ALKBH8: variants seen among roughly 807,000 people sequenced by gnomAD.
ALKBH8 encodes the protein alkB homolog 8, tRNA methyltransferase.
Under a neutral mutation model 59.8 loss-of-function variants are expected in ALKBH8, and 36 were observed. The observed-to-expected ratio is 0.60, with a 90% CI of 0.46 to 0.79. The LOEUF is 0.79. Ranked by LOEUF, ALKBH8 falls within the 30% of genes least tolerant of loss-of-function variation. The pLI is 0.00. For missense variants in ALKBH8, 768 were observed against 801.0 expected (o/e 0.96, Z 0.50); for synonymous variants, 276 against 273.6 (o/e 1.01, Z -0.09).
intron 1 of ALKBH8, 26 bp from the exon 2 acceptor site, chr11:107,560,925 A>G: frequency 1.3e-6 from 2 of 1,592,188 alleles, no homozygotes; most frequent in Non-Finnish European, 8.6e-7. Flanking sequence ...ACAGTAAAAA[A>G]GTCAACCTTA....
intron 7 of ALKBH8, among the ~76,000 whole-genome samples, chr11:107,539,593 C>T (rs571958278): frequency 1.7e-5 from 2 of 114,896 alleles, no homozygotes; most frequent in African/African-American, 5.6e-5. Context: ...AGCGAGAATC[C>T]ACCAAAAAAA....
At chr11:107,515,174 T>A (rs943122949) in intron 10 of ALKBH8, among the ~76,000 whole-genome samples, 1 of 152,214 alleles carries the variant, frequency 6.6e-6, no homozygotes, top group African/African-American at 2.4e-5. Context: ...TTTCCATTTT[T>A]AAATTTTTTA....
rs370280007 is a variant in ALKBH8 at position 107,538,070 on chromosome 11, C to T, written c.772-5664G>A. Among the ~76,000 whole-genome samples the T allele has an allele frequency of 6.6e-5, 10 of 151,916 alleles. No homozygotes were observed. The East Asian group carries it at 1.9e-3, about 29-fold the overall frequency. ...GTCAATCTATTTTATGACTACAAGA[C>T]ACAAAAACACAATTTCTTCATATGC... On this transcript the variant is annotated intron_variant, in intron 7 of 11. Transcript: ENST00000428149.
chr11:107,505,784 C>A (rs183792839), intron 11 of ALKBH8, among the ~76,000 whole-genome samples: 2 of 152,180 alleles, frequency 1.3e-5, no homozygotes, highest in Non-Finnish European at 2.9e-5. Flanking sequence ...TTCACTCCAG[C>A]TTTTCCCTGA....
intron 8 of ALKBH8, among the ~76,000 whole-genome samples, chr11:107,531,379 C>G (rs1420609324): frequency 6.6e-6 from 1 of 152,162 alleles, no homozygotes; most frequent in Admixed American, 6.5e-5. Context: ...GAAGCACATA[C>G]TAATTTCTTT....
rs998222206 is a variant in ALKBH8 at position 107,553,849 on chromosome 11, T to G, written c.497A>C (p.Asn166Thr). The G allele has an allele frequency of 8.7e-6, 14 of 1,609,012 alleles. No individual in the cohort carries two copies. The African/African-American group carries it at 1.6e-4, about 18-fold the overall frequency. The change falls in exon 4 of 12, where the codon AAC becomes ACC. Residue 166 changes from asparagine to threonine, a missense_variant and splice_region_variant. Coordinates refer to ENST00000428149, the MANE Select transcript of ALKBH8 (RefSeq NM_138775.3). ...CAGATTTTGAAAGTTTTACTTACAGTTTTGATTGTCTGTATCTTCTGTCCA... is the reference window on the plus strand; with the variant it reads ...CAGATTTTGAAAGTTTTACTTACAGGTTTGATTGTCTGTATCTTCTGTCCA... Reference protein sequence around the residue: ...VDWTEDTDNQNSQKSLKHRRV... With the variant: ...VDWTEDTDNQTSQKSLKHRRV...
chr11:107,512,701 T>C lies in ALKBH8; in HGVS notation c.1288-1665A>G, dbSNP rs984090311. ...TACAGAAAAGAATTATATAAGCAGA[T>C]TTAGTCAAACAGAAGTGGCCACCTA... On this transcript the variant is annotated intron_variant, in intron 10 of 11. Coordinates refer to ENST00000428149, the MANE Select transcript of ALKBH8 (RefSeq NM_138775.3). Among the ~76,000 whole-genome samples the C allele has an allele frequency of 2.6e-5, 4 of 152,198 alleles. 1 individual carries two copies. Among genetic ancestry groups the C allele is most frequent in the Admixed American group, 1.3e-4 (2 of 15,284 alleles).
At chr11:107,546,151 G>T (rs1398473346) in intron 7 of ALKBH8, among the ~76,000 whole-genome samples, 1 of 151,924 alleles carries the variant, frequency 6.6e-6, no homozygotes, top group African/African-American at 2.4e-5. Flanking sequence ...TTTTAGTTTC[G>T]TTTTCCCAGA....
chr11:107,559,505 A>C (rs973853045), intron 2 of ALKBH8, among the ~76,000 whole-genome samples: 1 of 149,898 alleles, frequency 6.7e-6, no homozygotes, highest in East Asian at 1.9e-4. Flanking sequence ...AATGGAGCCT[A>C]TTTTTTTTTT....
intron 10 of ALKBH8, among the ~76,000 whole-genome samples, chr11:107,516,921 G>A (rs1299987601): frequency 6.6e-6 from 1 of 152,074 alleles, no homozygotes; most frequent in Non-Finnish European, 1.5e-5. Context: ...AGCTACTAGA[G>A]GCTGAGGTGG....
At chr11:107,543,769 A>G (rs776601723) in intron 7 of ALKBH8, among the ~76,000 whole-genome samples, 11 of 152,206 alleles carry the variant, frequency 7.2e-5, no homozygotes, top group Non-Finnish European at 1.2e-4. Context: ...AAGGCAAAAA[A>G]TAAATTTAAT....
intron 10 of ALKBH8, among the ~76,000 whole-genome samples, chr11:107,520,293 G>A (rs1363217279): frequency 6.6e-6 from 1 of 152,190 alleles, no homozygotes; most frequent in Non-Finnish European, 1.5e-5. Flanking sequence ...AAAGAATTAT[G>A]TACGGACTGC....
chr11:107,512,367 A>G (rs1862671458), intron 10 of ALKBH8, among the ~76,000 whole-genome samples: 1 of 152,036 alleles, frequency 6.6e-6, no homozygotes, highest in Admixed American at 6.6e-5. Flanking sequence ...AAGCTCGAGT[A>G]CAGTGGTGCA....
chr11:107,556,002 G>A (rs753274289), intron 3 of ALKBH8, among the ~76,000 whole-genome samples: 11 of 152,284 alleles, frequency 7.2e-5, no homozygotes, highest in East Asian at 1.9e-4. Context: ...GGAATCAGCC[G>A]GGCACGGTGG....
intron 8 of ALKBH8, among the ~76,000 whole-genome samples, chr11:107,531,436 A>C (rs1863588263): frequency 6.6e-6 from 1 of 152,202 alleles, no homozygotes; most frequent in African/African-American, 2.4e-5. Flanking sequence ...ACATTCTATA[A>C]CACAACCGGC....
chr11:107,549,989 C>A (rs1259507411), intron 6 of ALKBH8, among the ~76,000 whole-genome samples, 166 bp from the exon 7 acceptor site: 1 of 152,142 alleles, frequency 6.6e-6, no homozygotes, highest in Non-Finnish European at 1.5e-5. Flanking sequence ...GTGACTAAAA[C>A]ATACTAAAAT....
At chr11:107,554,157 A>T in intron 3 of ALKBH8, among the ~76,000 whole-genome samples, 179 bp from the exon 4 acceptor site, 1 of 152,214 alleles carries the variant, frequency 6.6e-6, no homozygotes, top group Admixed American at 6.5e-5. Context: ...GATCAAAATG[A>T]TGGTACACTT....
intron 5 of ALKBH8, 139 bp downstream of exon 5, chr11:107,552,969 C>A (rs1463888337): frequency 2.9e-5 from 16 of 553,062 alleles, no homozygotes; most frequent in Non-Finnish European, 3.3e-5. Flanking sequence ...TACAATTTAT[C>A]TAATTAAAGT....
Position 107,504,583 on chromosome 11 carries a change from A to C in ALKBH8, c.*75T>G. The C allele has an allele frequency of 2.0e-6, 3 of 1,490,408 alleles. No individual in the cohort carries two copies. The South Asian group carries it at 3.7e-5, about 18-fold the overall frequency. 92.3% of individuals were successfully genotyped at this position (1,490,408 alleles called of 1,614,324 possible). ...CCCACAAGTTTTCTCTTTAATTAAA[A>C]GGGTAATTAATTTATTCTCTCTTTT... On this transcript the variant is annotated 3_prime_UTR_variant, in exon 12 of 12. Transcript: ENST00000428149.
Sources: allele counts gnomAD v4.1 joint callset (sites outside exome capture counted in the v4.1 genomes callset), GRCh38; gene constraint gnomAD v4.1.1; transcripts MANE v1.5; gene names NCBI Gene and HGNC (gene_info 2026-07-23, HGNC 2026-07-21).